The following ARK2N variants were observed in gnomAD, a reference collection of about 807,000 sequenced individuals.
The protein encoded by ARK2N is arkadia (RNF111) N-terminal like PKA signaling regulator 2N, also known as protein ARK2N.
chr18:46,178,843 GT>G, the ARK2N span, among the ~76,000 whole-genome samples: 2 of 151,084 alleles, frequency 1.3e-5, no homozygotes, highest in Admixed American at 1.3e-4. Context: ...GAGCCCAGGG[GT>G]TTGTGGCTGC....
chr18:46,176,857 TCTGC>T, the ARK2N span, among the ~76,000 whole-genome samples: 1 of 152,180 alleles, frequency 6.6e-6, no homozygotes, highest in Non-Finnish European at 1.5e-5. Context: ...CCTCAGGCAA[TCTGC>T]CTGCCTCGGC....
chr18:46,192,378 C>A, the ARK2N span, among the ~76,000 whole-genome samples: 1 of 151,888 alleles, frequency 6.6e-6, no homozygotes, highest in Non-Finnish European at 1.5e-5. Flanking sequence ...TCGAGACCAG[C>A]CTGGCCAATA....
At chr18:46,211,482 A>G in the ARK2N span, among the ~76,000 whole-genome samples, 1 of 152,090 alleles carries the variant, frequency 6.6e-6, no homozygotes, top group Non-Finnish European at 1.5e-5. Context: ...AGGGAGTGTG[A>G]GAGTTAAGGA....
the ARK2N span, among the ~76,000 whole-genome samples, chr18:46,224,264 G>T: frequency 2.1e-3 from 322 of 152,058 alleles, no homozygotes; most frequent in African/African-American, 7.0e-3. Flanking sequence ...ACATTTTTTT[G>T]TGTGTGTGTA....
the ARK2N span, among the ~76,000 whole-genome samples, chr18:46,261,273 C>T: frequency 1.3e-5 from 2 of 152,192 alleles, no homozygotes; most frequent in African/African-American, 4.8e-5. Flanking sequence ...AAGCATTGGA[C>T]CCAAAATCAG....
At chr18:46,240,497 C>T in the ARK2N span, among the ~76,000 whole-genome samples, 1 of 151,558 alleles carries the variant, frequency 6.6e-6, no homozygotes, top group South Asian at 2.1e-4. Flanking sequence ...CCCAGATATG[C>T]TCATATTCTT....
the ARK2N span, among the ~76,000 whole-genome samples, chr18:46,190,499 GA>G: frequency 0.045 from 6,154 of 136,818 alleles, 153 homozygotes; most frequent in African/African-American, 0.075. Context: ...CCGGCCCCCC[GA>G]AAAAAAAAAA....
the ARK2N span, among the ~76,000 whole-genome samples, chr18:46,215,116 C>G: frequency 6.6e-6 from 1 of 152,166 alleles, no homozygotes; most frequent in Non-Finnish European, 1.5e-5. Context: ...CTCAGGAGTT[C>G]GAGACCAGCC....
the ARK2N span, among the ~76,000 whole-genome samples, chr18:46,192,935 G>C: frequency 6.7e-6 from 1 of 149,860 alleles, no homozygotes; most frequent in African/African-American, 2.4e-5. Context: ...AGTGGCTCAC[G>C]CCTGGAATCC....
the ARK2N span, among the ~76,000 whole-genome samples, chr18:46,262,771 G>T: frequency 3.0e-4 from 46 of 152,280 alleles, no homozygotes; most frequent in African/African-American, 1.1e-3. Flanking sequence ...GAGAGAGGGA[G>T]ACAGAGATGG....
chr18:46,192,517 C>T, the ARK2N span, among the ~76,000 whole-genome samples: 1 of 151,822 alleles, frequency 6.6e-6, no homozygotes, highest in African/African-American at 2.4e-5. Context: ...GTGGAGGTTG[C>T]AGTGAGCTGA....
chr18:46,253,441 G>A, the ARK2N span, among the ~76,000 whole-genome samples: 3 of 152,252 alleles, frequency 2.0e-5, no homozygotes, highest in Middle Eastern at 0.01. Context: ...AAGGAGTAGC[G>A]AGTGAGAGAC....
At chr18:46,229,743 G>A in the ARK2N span, among the ~76,000 whole-genome samples, 2 of 151,804 alleles carry the variant, frequency 1.3e-5, no homozygotes, top group African/African-American at 4.8e-5. Flanking sequence ...AGCTGGGACC[G>A]CAAATGTGTG....
the ARK2N span, among the ~76,000 whole-genome samples, chr18:46,180,575 G>T: frequency 1.4e-4 from 22 of 152,216 alleles, no homozygotes; most frequent in African/African-American, 5.3e-4. Flanking sequence ...GCATGGTGGC[G>T]CATGCCTGTA....
the ARK2N span, among the ~76,000 whole-genome samples, chr18:46,175,179 G>GAGA: frequency 3.0e-5 from 4 of 134,644 alleles, no homozygotes; most frequent in Admixed American, 3.4e-4. Flanking sequence ...GGTTGAAGTA[G>GAGA]AGAACATCGG....
At chr18:46,229,378 C>A in the ARK2N span, among the ~76,000 whole-genome samples, 1 of 152,138 alleles carries the variant, frequency 6.6e-6, no homozygotes, top group South Asian at 2.1e-4. Context: ...GACAGAGTCT[C>A]GCTCTGTCGT....
the ARK2N span, among the ~76,000 whole-genome samples, chr18:46,246,569 G>T: frequency 1.3e-5 from 2 of 148,862 alleles, no homozygotes; most frequent in Non-Finnish European, 3.0e-5. Flanking sequence ...ACATTCACGA[G>T]GCAGTCTGTA....
the ARK2N span, chr18:46,263,007 C>T: frequency 1.2e-6 from 2 of 1,614,154 alleles, no homozygotes; most frequent in Non-Finnish European, 1.7e-6. Flanking sequence ...ATGTTAGCAC[C>T]AGGCAAACAC....
At chr18:46,181,178 T>C in the ARK2N span, among the ~76,000 whole-genome samples, 3 of 151,686 alleles carry the variant, frequency 2.0e-5, no homozygotes, top group South Asian at 6.3e-4. Flanking sequence ...GAGAATTGCT[T>C]GAATCTGGGA....
Sources: gnomAD v4.1 joint callset for allele counts (sites outside exome capture counted in the v4.1 genomes callset) on GRCh38, gnomAD v4.1.1 for gene constraint, MANE v1.5 for transcripts, NCBI Gene and HGNC (gene_info 2026-07-23, HGNC 2026-07-21) for gene names.